TMEM63A: variants seen among roughly 807,000 people sequenced by gnomAD.
TMEM63A encodes mechanosensitive cation channel TMEM63A.
TMEM63A carries 76 observed loss-of-function variants against 100.6 expected under a neutral mutation model. The observed-to-expected ratio is 0.76, with a 90% CI of 0.63 to 0.91. TMEM63A has a LOEUF of 0.91. TMEM63A is among the 40% of genes least tolerant of loss of function. TMEM63A has a pLI of 0.00. For missense variants in TMEM63A, 876 were observed against 1,008.8 expected (o/e 0.87, Z 1.78); for synonymous variants, 401 against 401.1 (o/e 1.00, Z 0.00).
chr1:225,879,789 A>G (rs1185556429), intron 1 of TMEM63A, among the ~76,000 whole-genome samples: 3 of 152,242 alleles, frequency 2.0e-5, no homozygotes, highest in East Asian at 3.8e-4. Context: ...CCAAGGGCCA[A>G]TGCTACTGGG....
intron 6 of TMEM63A, among the ~76,000 whole-genome samples, chr1:225,869,949 C>T (rs1210860283): frequency 2.6e-5 from 4 of 152,048 alleles, no homozygotes; most frequent in African/African-American, 9.7e-5. Context: ...GCGTCAGCCA[C>T]CGCAGCCGGC....
rs1235031983 is a variant in TMEM63A at position 225,862,925 on chromosome 1, G to C, written c.747-74C>G. ...CACCCCAAGCAGGAGACGTGCCCACGGATCCAAGGGAAAGGATGGCAGAGT... is the reference window on the plus strand; with the variant it reads ...CACCCCAAGCAGGAGACGTGCCCACCGATCCAAGGGAAAGGATGGCAGAGT... On this transcript the variant is annotated intron_variant, in intron 10 of 24. Coordinates refer to ENST00000366835, the MANE Select transcript of TMEM63A (RefSeq NM_014698.3). The surrounding 1 kb of genome is among the most constrained non-coding windows in gnomAD (Gnocchi z 5.1). 2.9e-6 allele frequency: 4 copies of C among 1,372,958 alleles called. No homozygotes were observed. The highest frequency in any genetic ancestry group is 4.1e-6 in the Non-Finnish European group (4 of 980,410). The allele number at this position is 1,372,958 out of a possible 1,614,324, so 85.0% of individuals were successfully genotyped here. A position where few individuals can be genotyped will look rare whatever the true frequency, so the allele number is the denominator to read the frequency against.
In TMEM63A at chr1:225,862,332, T is replaced by G; in HGVS notation, c.971A>C (p.Tyr324Ser). The G allele has an allele frequency of 3.7e-6, 6 of 1,614,176 alleles. No individual in the cohort carries two copies. The highest frequency in any genetic ancestry group is 5.1e-6 in the Non-Finnish European group (6 of 1,180,030). The change falls in exon 13 of 25, where the codon TAC (tyrosine) becomes TCC (serine). Residue 324 changes from tyrosine (Y) to serine (S), a missense_variant. Transcript: ENST00000366835. The surrounding 1 kb of genome is among the most constrained non-coding windows in gnomAD (Gnocchi z 5.1). ...CAGCAGCCTGTCCTTCATCCGTGTG[T>G]AGTAAGAGATGGCGTCTTCCTGCCA... ...GCEWEDAISYYTRMKDRLLER... is the reference protein window; with the variant it reads ...GCEWEDAISYSTRMKDRLLER...
rs1197447008 is a variant in TMEM63A, at chr1:225,850,088, G to C, written c.1904-9C>G. On this transcript the variant is annotated splice_polypyrimidine_tract_variant and intron_variant, in intron 20 of 24. Transcript: ENST00000366835. ...CAGGATGTAGATGAGGCCTGCAGGG[G>C]ATGGGGCTGTGAGCTGGAGACCTCG... 2.5e-6 allele frequency: 4 copies of C among 1,613,800 alleles called. No individual in the cohort carries two copies. The African/African-American group carries it at 4.0e-5, about 16-fold the overall frequency.
intron 3 of TMEM63A, among the ~76,000 whole-genome samples, chr1:225,876,492 G>A (rs1670809781): frequency 6.6e-6 from 1 of 152,102 alleles, no homozygotes; most frequent in African/African-American, 2.4e-5. Flanking sequence ...GAAAAGAAGG[G>A]GCACTTTAAC....
downstream of TMEM63A, among the ~76,000 whole-genome samples, chr1:225,841,747 A>G (rs1409944865): frequency 6.6e-6 from 1 of 151,758 alleles, no homozygotes; most frequent in Non-Finnish European, 1.5e-5. Context: ...GATTACAGGC[A>G]TGCACCACCA....
Position 225,858,149 on chromosome 1 carries a change from C to G in TMEM63A, c.1377+1047G>C, listed in dbSNP as rs369368289. On this transcript the variant is annotated intron_variant, in intron 15 of 24. Coordinates refer to ENST00000366835, the MANE Select transcript of TMEM63A (RefSeq NM_014698.3). ...TTCCCAGGGAATGATTAACCAAATG[C>G]AAAGTGAAATTTAAAAAGAAAAATA... Among the ~76,000 whole-genome samples the G allele has an allele frequency of 2.0e-4, 31 of 152,114 alleles. No individual in the cohort carries two copies. In the South Asian group the frequency reaches 6.4e-3, roughly 32 times the overall value.
chr1:225,842,247 G>T, downstream of TMEM63A: 2 of 782,216 alleles, frequency 2.6e-6, no homozygotes, highest in East Asian at 2.5e-5. Flanking sequence ...GCCTGTGCTC[G>T]AACGTGGCTT....
At chr1:225,842,314 G>A, downstream of TMEM63A, 1 of 1,355,216 alleles carries the variant, frequency 7.4e-7, no homozygotes, top group East Asian at 2.3e-5. Context: ...TGAAGCTCCA[G>A]CTCTCTGGTC....
intron 20 of TMEM63A, among the ~76,000 whole-genome samples, chr1:225,850,625 G>A (rs185876772): frequency 2.0e-5 from 3 of 152,304 alleles, no homozygotes; most frequent in Non-Finnish European, 2.9e-5. Context: ...AAATAAATGC[G>A]AACTTCGCCT....
chr1:225,850,012 G>A lies in TMEM63A; in HGVS notation c.1971C>T (p.Ala657=). Residue 657 remains alanine (A), a synonymous_variant, in exon 21 of 25, where the codon GCC becomes GCT. Coordinates refer to ENST00000366835, the MANE Select transcript of TMEM63A (RefSeq NM_014698.3). ...RHNLYFVYLP[A]KLEKGIHFAA... is the part of the protein sequence containing the mutation. ...CAAAGTGGATCCCCTTCTCCAGCTTGGCTGGGAGGTAGACGAAGTAGAGGT... is the reference window on the plus strand; with the variant it reads ...CAAAGTGGATCCCCTTCTCCAGCTTAGCTGGGAGGTAGACGAAGTAGAGGT... The A allele has an allele frequency of 6.2e-7, 1 of 1,614,264 alleles. No homozygotes were observed. The highest frequency in any genetic ancestry group is 2.2e-5 in the East Asian group (1 of 44,884).
At chr1:225,861,143 AAG>A (rs1576088697) in intron 13 of TMEM63A, 146 bp from the exon 14 acceptor site, 1 of 866,332 alleles carries the variant, frequency 1.2e-6, no homozygotes, top group East Asian at 2.8e-5. Context: ...AACGCTATGT[AAG>A]AGGTGCCACG....
rs201501950 is a variant in TMEM63A at position 225,877,352 on chromosome 1, C to T, written c.186+43G>A. 34 of 1,570,430 alleles carry T rather than the reference C, an allele frequency of 2.2e-5. No homozygotes were observed. The East Asian group carries it at 7.5e-4, about 35-fold the overall frequency. On this transcript the variant is annotated intron_variant, in intron 3 of 24. Coordinates refer to ENST00000366835, the MANE Select transcript of TMEM63A (RefSeq NM_014698.3). ...GAAGGCCCTGGGTGGGGCATTTAAA[C>T]AAATAACTGAGGCAGTGGGACACGA...
chr1:225,845,425 T>C, downstream of TMEM63A: 1 of 1,459,540 alleles, frequency 6.9e-7, no homozygotes, highest in Non-Finnish European at 9.2e-7. Context: ...ACCCCTTTTC[T>C]GAGGAATGAG....
intron 8 of TMEM63A, among the ~76,000 whole-genome samples, 174 bp downstream of exon 8, chr1:225,866,938 A>G (rs1256455333): frequency 6.6e-6 from 1 of 152,116 alleles, no homozygotes; most frequent in African/African-American, 2.4e-5. Flanking sequence ...CCCTGGCAAA[A>G]CAGTGTCTGC....
In TMEM63A at chr1:225,871,134, G is replaced by T. The variant is rs566824824; in HGVS notation, c.334-21C>A. 7 of 1,612,794 alleles carry T rather than the reference G, an allele frequency of 4.3e-6. No homozygotes were observed. The African/African-American group carries it at 9.3e-5, about 22-fold the overall frequency. On this transcript the variant is annotated intron_variant, in intron 5 of 24. Coordinates refer to ENST00000366835, the MANE Select transcript of TMEM63A (RefSeq NM_014698.3). The stretch of plus-strand genomic sequence containing the variant: ...CATCCCTGGAAACGGAGAGAACAGG[G>T]ATTAGCTTCCAACATTTGTGTCTTT...
intron 10 of TMEM63A, chr1:225,864,475 T>C (rs1377530511): frequency 6.6e-6 from 1 of 152,086 alleles, no homozygotes; most frequent in African/African-American, 2.4e-5. Context: ...CCTCTTAAAA[T>C]AGGGGAAAGC....
At chr1:225,842,617 G>T, downstream of TMEM63A, 1 of 738,218 alleles carries the variant, frequency 1.4e-6, no homozygotes, top group East Asian at 2.6e-5. Context: ...CTCACCCTGT[G>T]ACCAACGTAG....
chr1:225,869,047 G>T (rs561620817), intron 6 of TMEM63A, among the ~76,000 whole-genome samples: 1 of 152,224 alleles, frequency 6.6e-6, no homozygotes, highest in Non-Finnish European at 1.5e-5. Flanking sequence ...AAGAGCTCAG[G>T]GGGGCAAGGG....
Sources: gnomAD v4.1 joint callset for allele counts (sites outside exome capture counted in the v4.1 genomes callset) on GRCh38, gnomAD v4.1.1 for gene constraint, Gnocchi (gnomAD v3.1) non-coding constraint, MANE v1.5 for transcripts, NCBI Gene and HGNC (gene_info 2026-07-23, HGNC 2026-07-21) for gene names.